ZSCAN25: variants seen among roughly 807,000 people sequenced by gnomAD.
ZSCAN25 encodes zinc finger and SCAN domain containing 25.
ZSCAN25 carries 27 observed loss-of-function variants against 38.7 expected under a neutral mutation model. The observed-to-expected ratio is 0.70, with a 90% CI of 0.51 to 0.96. The LOEUF (loss-of-function observed/expected upper bound fraction) is 0.96. Among genes scored for constraint, ZSCAN25 ranks in the 40% least tolerant of loss-of-function variants. ZSCAN25 has a pLI of 0.00. For synonymous variants in ZSCAN25, 273 were observed against 277.7 expected (o/e 0.98, Z 0.17); for missense variants, 637 against 705.9 (o/e 0.90, Z 1.11).
At chr7:99,648,983 G>T in the ZSCAN25 span, among the ~76,000 whole-genome samples, 1 of 152,246 alleles carries the variant, frequency 6.6e-6, no homozygotes, top group South Asian at 2.1e-4. Flanking sequence ...AATTTCTCAA[G>T]TTGTACAGTG....
chr7:99,717,311 A>G, the ZSCAN25 span: 14 of 1,613,464 alleles, frequency 8.7e-6, no homozygotes, highest in African/African-American at 1.7e-4. Flanking sequence ...GTGCAGACAT[A>G]AGTCCCAGAA....
the ZSCAN25 span, chr7:99,684,997 T>C: frequency 3.3e-6 from 2 of 609,792 alleles, no homozygotes; most frequent in Non-Finnish European, 5.7e-6. Context: ...GCTCAGTGCA[T>C]GTACAGAATC....
chr7:99,701,429 T>G, the ZSCAN25 span, among the ~76,000 whole-genome samples: 1 of 152,238 alleles, frequency 6.6e-6, no homozygotes, highest in African/African-American at 2.4e-5. Flanking sequence ...AATGAAGATA[T>G]CTCTTCAATA....
chr7:99,646,917 A>C, the ZSCAN25 span, among the ~76,000 whole-genome samples: 1 of 151,522 alleles, frequency 6.6e-6, no homozygotes, highest in Non-Finnish European at 1.5e-5. Context: ...TCATCTGTCT[A>C]TCTATCCATC....
At chr7:99,717,161 C>G in the ZSCAN25 span, 11 of 1,613,812 alleles carry the variant, frequency 6.8e-6, no homozygotes, top group African/African-American at 1.3e-5. Flanking sequence ...AACCCCATGG[C>G]TGTGCTCCTA....
At chr7:99,655,666 G>C in the ZSCAN25 span, among the ~76,000 whole-genome samples, 1 of 152,184 alleles carries the variant, frequency 6.6e-6, no homozygotes. Context: ...AAATTACCTT[G>C]GGCAGTATGG....
chr7:99,722,136 C>T, the ZSCAN25 span, among the ~76,000 whole-genome samples: 2 of 152,172 alleles, frequency 1.3e-5, no homozygotes, highest in Admixed American at 6.5e-5. Flanking sequence ...ATACTCTTCT[C>T]CCAAATACAT....
the ZSCAN25 span, among the ~76,000 whole-genome samples, chr7:99,639,268 T>A: frequency 1.3e-5 from 2 of 152,366 alleles, no homozygotes; most frequent in African/African-American, 4.8e-5. Context: ...AGAGAAGGAC[T>A]GGAACTCCAT....
chr7:99,686,314 G>T, the ZSCAN25 span, among the ~76,000 whole-genome samples: 2 of 152,176 alleles, frequency 1.3e-5, no homozygotes, highest in African/African-American at 4.8e-5. Flanking sequence ...CCCTAATACT[G>T]TGCTTTTCCA....
the ZSCAN25 span, among the ~76,000 whole-genome samples, chr7:99,643,766 A>T: frequency 6.6e-6 from 1 of 151,648 alleles, no homozygotes; most frequent in African/African-American, 2.4e-5. Context: ...GTAGGCTTGC[A>T]TTGCTCCCCC....
At chr7:99,652,477 A>C in the ZSCAN25 span, 1 of 891,066 alleles carries the variant, frequency 1.1e-6, no homozygotes, top group African/African-American at 1.7e-5. Flanking sequence ...CACGATTGTC[A>C]TGTAGATTAA....
At chr7:99,716,275 T>C in the ZSCAN25 span, among the ~76,000 whole-genome samples, 1 of 152,136 alleles carries the variant, frequency 6.6e-6, no homozygotes, top group Non-Finnish European at 1.5e-5. Context: ...AAAAATTCAC[T>C]CTTTCTAAGG....
chr7:99,693,693 C>T, the ZSCAN25 span, among the ~76,000 whole-genome samples: 1 of 152,200 alleles, frequency 6.6e-6, no homozygotes, highest in Non-Finnish European at 1.5e-5. Flanking sequence ...AGCAAGTCTC[C>T]GTGGGTGTGG....
the ZSCAN25 span, among the ~76,000 whole-genome samples, chr7:99,688,647 G>C: frequency 2.6e-5 from 4 of 152,006 alleles, no homozygotes; most frequent in Non-Finnish European, 5.9e-5. Context: ...CCCAGGAATT[G>C]AACTCAGCTC....
the ZSCAN25 span, among the ~76,000 whole-genome samples, chr7:99,703,082 T>C: frequency 6.6e-6 from 1 of 152,252 alleles, no homozygotes; most frequent in East Asian, 1.9e-4. Context: ...AATTTTTGTA[T>C]GTTGATTTTG....
the ZSCAN25 span, among the ~76,000 whole-genome samples, chr7:99,734,297 T>C: frequency 9.3e-4 from 141 of 152,320 alleles, no homozygotes; most frequent in African/African-American, 2.7e-3. Flanking sequence ...AAGCCTCCAG[T>C]ACACACAGTA....
At chr7:99,715,870 G>A in the ZSCAN25 span, 13 of 1,613,730 alleles carry the variant, frequency 8.1e-6, no homozygotes, top group Non-Finnish European at 1.1e-5. Flanking sequence ...CAAATGATGT[G>A]CTAGTGATCA....
At chr7:99,686,267 G>A in the ZSCAN25 span, among the ~76,000 whole-genome samples, 4 of 152,162 alleles carry the variant, frequency 2.6e-5, no homozygotes, top group Admixed American at 2.6e-4. Flanking sequence ...CAAAGAAAGG[G>A]GTGACAGACA....
the ZSCAN25 span, among the ~76,000 whole-genome samples, chr7:99,702,302 G>A: frequency 2.0e-5 from 3 of 152,192 alleles, no homozygotes; most frequent in South Asian, 6.2e-4. Flanking sequence ...TATTGGCCAG[G>A]CTGGTCTTGA....
Sources: allele counts gnomAD v4.1 joint callset (sites outside exome capture counted in the v4.1 genomes callset), GRCh38; gene constraint gnomAD v4.1.1; transcripts MANE v1.5; gene names NCBI Gene and HGNC (gene_info 2026-07-23, HGNC 2026-07-21).